Variants in ITPK1 observed in about 807,000 individuals in gnomAD.
The protein encoded by ITPK1 is inositol-tetrakisphosphate 1-kinase, also known as inositol 1,3,4-trisphosphate 5/6-kinase.
A neutral mutation model predicts 45.3 loss-of-function variants in ITPK1; 21 were observed. The ratio of observed to expected loss-of-function variants is 0.46; its 90% CI spans 0.33 to 0.67. The LOEUF (loss-of-function observed/expected upper bound fraction) is 0.67, where lower values mean the gene tolerates loss of function less well. ITPK1 is among the 30% of genes least tolerant of loss of function. The pLI is 0.02. For missense variants in ITPK1, 474 were observed against 573.5 expected (o/e 0.83, Z 1.77); for synonymous variants, 258 against 253.6 (o/e 1.02, Z -0.16).
intron 4 of ITPK1, among the ~76,000 whole-genome samples, chr14:93,009,325 A>C (rs1408717315): frequency 6.6e-6 from 1 of 152,112 alleles, no homozygotes; most frequent in Non-Finnish European, 1.5e-5. Flanking sequence ...GAGCTGAAAA[A>C]CCCTGACCGT....
In ITPK1 at chr14:93,032,800, C is replaced by T. The variant is rs2139893429; in HGVS notation, c.121-15999G>A. Among the ~76,000 whole-genome samples the T allele has an allele frequency of 6.6e-6, 1 of 152,356 alleles. No homozygotes were observed. The highest frequency in any genetic ancestry group is 6.5e-5 in the Admixed American group (1 of 15,308). ...TGGGACTCACGAAGGGGCCATCGCACTCTGCAGACTGCAGCGTACTCCACA... is the reference window on the plus strand; with the variant it reads ...TGGGACTCACGAAGGGGCCATCGCATTCTGCAGACTGCAGCGTACTCCACA... On this transcript the variant is annotated intron_variant, in intron 3 of 10. Coordinates refer to ENST00000267615, the MANE Select transcript of ITPK1 (RefSeq NM_014216.6). This position sits in a 1 kb window ranked among gnomAD's most constrained non-coding sequence, Gnocchi z 4.0.
chr14:93,015,758 C>A (rs115240448), intron 4 of ITPK1, among the ~76,000 whole-genome samples: 25 of 152,308 alleles, frequency 1.6e-4, no homozygotes, highest in African/African-American at 5.8e-4. Context: ...GGGTGAGAGC[C>A]CCAAGGAAGC....
chr14:93,099,932 G>A (rs1892244076), intron 2 of ITPK1, among the ~76,000 whole-genome samples: 1 of 152,200 alleles, frequency 6.6e-6, no homozygotes, highest in Non-Finnish European at 1.5e-5. Context: ...TTTGCAAGCT[G>A]GGTCCAGAGC....
chr14:92,957,589 C>T (rs79427758), intron 8 of ITPK1, among the ~76,000 whole-genome samples: 11,077 of 152,230 alleles, frequency 0.073, 480 homozygotes, highest in East Asian at 0.23. Context: ...ATGCAGAGAA[C>T]GCCCTATGTG....
At chr14:93,045,628 C>T (rs774653705) in intron 3 of ITPK1, among the ~76,000 whole-genome samples, 15 of 152,188 alleles carry the variant, frequency 9.9e-5, no homozygotes, top group Non-Finnish European at 1.8e-4. Flanking sequence ...GAAATAGCCA[C>T]TGTACTCCAG....
At chr14:92,950,383 C>T (rs577527944) in intron 9 of ITPK1, among the ~76,000 whole-genome samples, 2 of 152,360 alleles carry the variant, frequency 1.3e-5, no homozygotes, top group South Asian at 4.1e-4. Context: ...AGCCTGCGGG[C>T]GTCCAGGAGG....
chr14:93,036,309 C>T lies in ITPK1; in HGVS notation c.121-19508G>A, dbSNP rs1041708048. Among the ~76,000 whole-genome samples, 2 of 152,136 alleles carry T rather than the reference C, an allele frequency of 1.3e-5. No individual in the cohort carries two copies. Among genetic ancestry groups the T allele is most frequent in the Non-Finnish European group, 2.9e-5 (2 of 68,006 alleles). On this transcript the variant is annotated intron_variant, in intron 3 of 10. Transcript: ENST00000267615. The surrounding 1 kb of genome is among the most constrained non-coding windows in gnomAD (Gnocchi z 4.1). Reference sequence around the variant, plus strand: ...TGGACTGCAATGTCTAAAGGGCATCCGGTTGAGGCCACAAGGTCATGCTCT... The same window carrying T: ...TGGACTGCAATGTCTAAAGGGCATCTGGTTGAGGCCACAAGGTCATGCTCT...
rs533426389 is a variant in ITPK1 at position 93,061,648 on chromosome 14, GGTTT to G, written c.120+14943_120+14946del. Among the ~76,000 whole-genome samples, 230 of 152,248 alleles carry G rather than the reference GGTTT, an allele frequency of 1.5e-3. 2 individuals carry two copies. Among genetic ancestry groups the G allele is most frequent in the African/African-American group, 4.2e-3 (173 of 41,536 alleles). ...TTTCTGTAATTCCCCAAAATGCAGG[GGTTT>G]GTTTATTTCACCAAGAAGTACATAT... On this transcript the variant is annotated intron_variant, in intron 3 of 10. Transcript: ENST00000267615.
intron 2 of ITPK1, among the ~76,000 whole-genome samples, chr14:93,107,269 C>G (rs1892563952): frequency 6.6e-6 from 1 of 152,130 alleles, no homozygotes; most frequent in Non-Finnish European, 1.5e-5. Flanking sequence ...CTAACAGATT[C>G]TTTTTTGAGC....
chr14:92,966,687 G>A (rs112210932), intron 5 of ITPK1, among the ~76,000 whole-genome samples: 4 of 152,142 alleles, frequency 2.6e-5, no homozygotes, highest in African/African-American at 4.8e-5. Flanking sequence ...TCCTCAATAC[G>A]AAACTTACTA....
At chr14:93,044,115 A>AG (rs1410898451) in intron 3 of ITPK1, among the ~76,000 whole-genome samples, 1 of 151,686 alleles carries the variant, frequency 6.6e-6, no homozygotes, top group Non-Finnish European at 1.5e-5. Flanking sequence ...GGAGGTGAGG[A>AG]GGGGGTCCTA....
intron 3 of ITPK1, among the ~76,000 whole-genome samples, chr14:93,031,640 C>A (rs532782145): frequency 6.6e-6 from 1 of 152,242 alleles, no homozygotes; most frequent in African/African-American, 2.4e-5. Context: ...CCATAGACCC[C>A]CCTAAGGCCT....
intron 8 of ITPK1, among the ~76,000 whole-genome samples, chr14:92,952,285 T>C (rs565645808): frequency 6.6e-6 from 1 of 152,308 alleles, no homozygotes; most frequent in African/African-American, 2.4e-5. Flanking sequence ...TGGTTTTCCC[T>C]GAGGCCCTGT....
At chr14:92,992,211 C>T (rs920304237) in intron 5 of ITPK1, among the ~76,000 whole-genome samples, 11 of 152,248 alleles carry the variant, frequency 7.2e-5, no homozygotes, top group African/African-American at 2.4e-4. Flanking sequence ...TGGGCCTTCT[C>T]ATGTTCTAAT....
At chr14:93,065,819 A>T (rs2139960721) in intron 3 of ITPK1, among the ~76,000 whole-genome samples, 1 of 152,354 alleles carries the variant, frequency 6.6e-6, no homozygotes, top group Non-Finnish European at 1.5e-5. Flanking sequence ...AAATGGTTCT[A>T]GATGCTGGGA....
At chr14:93,080,201 T>C (rs1891382627) in intron 2 of ITPK1, among the ~76,000 whole-genome samples, 1 of 152,296 alleles carries the variant, frequency 6.6e-6, no homozygotes, top group Non-Finnish European at 1.5e-5. Context: ...AGGACAAGCA[T>C]GTGTGCTTGT....
chr14:93,041,512 AG>A lies in ITPK1; in HGVS notation c.121-24712del, dbSNP rs111742727. On this transcript the variant is annotated intron_variant, in intron 3 of 10. Coordinates refer to ENST00000267615, the MANE Select transcript of ITPK1 (RefSeq NM_014216.6). ...ACTGTGCAGGTCAGAAAACACAGGA[AG>A]CTGGGAGAGCCACGCTCAGAAACCG... Among the ~76,000 whole-genome samples the A allele has an allele frequency of 2.6e-5, 4 of 152,356 alleles. 1 individual carries two copies. The highest frequency in any genetic ancestry group is 9.6e-5 in the African/African-American group (4 of 41,588).
chr14:92,976,437 T>G (rs751037022), intron 5 of ITPK1, among the ~76,000 whole-genome samples: 2 of 152,190 alleles, frequency 1.3e-5, no homozygotes, highest in Non-Finnish European at 2.9e-5. Context: ...GTCACCATCA[T>G]GCTAAACTGC....
chr14:93,102,612 C>T (rs2140025489), intron 2 of ITPK1, among the ~76,000 whole-genome samples: 1 of 152,122 alleles, frequency 6.6e-6, no homozygotes, highest in East Asian at 1.9e-4. Context: ...GCCAAGATCA[C>T]ACCACTGCAC....
Sources: allele counts gnomAD v4.1 joint callset (sites outside exome capture counted in the v4.1 genomes callset), GRCh38; gene constraint gnomAD v4.1.1; non-coding constraint Gnocchi (gnomAD v3.1); transcripts MANE v1.5; gene names NCBI Gene and HGNC (gene_info 2026-07-23, HGNC 2026-07-21).